FER: variants seen among roughly 807,000 people sequenced by gnomAD.
FER encodes the protein FER tyrosine kinase, also known as tyrosine-protein kinase Fer.
A neutral mutation model predicts 111.0 loss-of-function variants in FER; 63 were observed. The ratio of observed to expected loss-of-function variants is 0.57; its 90% confidence interval spans 0.46 to 0.70. FER has a LOEUF of 0.70. Among genes scored for constraint, FER ranks in the 30% least tolerant of loss-of-function variants. FER has a pLI of 0.00. For synonymous variants in FER, 327 were observed against 313.9 expected (o/e 1.04, Z -0.44); for missense variants, 914 against 954.0 (o/e 0.96, Z 0.55).
chr5:108,892,645 T>G (rs2150313225), intron 9 of FER, among the ~76,000 whole-genome samples: 1 of 152,316 alleles, frequency 6.6e-6, no homozygotes, highest in African/African-American at 2.4e-5. Flanking sequence ...GTAGTTTCTT[T>G]TGCTGTGCAG....
intron 3 of FER, among the ~76,000 whole-genome samples, chr5:108,831,701 T>C (rs2150129819): frequency 6.6e-6 from 1 of 152,360 alleles, no homozygotes; most frequent in East Asian, 1.9e-4. Context: ...CTTTGTATTA[T>C]GACTAAGAAT....
chr5:108,920,353 T>C (rs1031062759), intron 10 of FER, among the ~76,000 whole-genome samples: 3 of 152,150 alleles, frequency 2.0e-5, no homozygotes, highest in African/African-American at 7.2e-5. Flanking sequence ...TCTGGTGTCA[T>C]ACATAAGGTA....
intron 13 of FER, chr5:109,014,797 C>T (rs549541779): frequency 1.2e-4 from 19 of 152,320 alleles, no homozygotes; most frequent in South Asian, 4.1e-4. Context: ...AGGTCCATCA[C>T]GTCCCTTGTA....
At chr5:109,122,276 T>A (rs11958080) in intron 17 of FER, among the ~76,000 whole-genome samples, 1,588 of 152,246 alleles carry the variant, frequency 0.01, 23 homozygotes, top group African/African-American at 0.036. Flanking sequence ...TGTTTCCATA[T>A]CAATTGTAGC....
chr5:108,845,562 CT>C (rs1167220831), intron 5 of FER, among the ~76,000 whole-genome samples: 2 of 151,990 alleles, frequency 1.3e-5, no homozygotes, highest in Non-Finnish European at 2.9e-5. Flanking sequence ...GACAGTTTTA[CT>C]TTTACCTTTT....
At chr5:109,029,425 CTT>C (rs757282669) in intron 13 of FER, among the ~76,000 whole-genome samples, 1,833 of 52,228 alleles carry the variant, frequency 0.035, 24 homozygotes, top group South Asian at 0.095. Context: ...ATTCATTGTT[CTT>C]TTTTTTTTTT....
intron 17 of FER, among the ~76,000 whole-genome samples, chr5:109,152,455 A>G (rs1754950670): frequency 6.6e-6 from 1 of 152,046 alleles, no homozygotes; most frequent in Non-Finnish European, 1.5e-5. Flanking sequence ...TGCCAAGACC[A>G]TAAACCCATT....
intron 17 of FER, among the ~76,000 whole-genome samples, chr5:109,124,599 G>T (rs1224990431): frequency 4.0e-5 from 6 of 148,154 alleles, no homozygotes; most frequent in African/African-American, 1.6e-4. Flanking sequence ...TGTTGTTGTT[G>T]TTGTTGTTGT....
At chr5:109,001,771 G>A (rs1339187456) in intron 13 of FER, among the ~76,000 whole-genome samples, 1 of 152,122 alleles carries the variant, frequency 6.6e-6, no homozygotes, top group African/African-American at 2.4e-5. Flanking sequence ...AAGCTAATAG[G>A]CAACTTCAGC....
chr5:108,798,176 T>G lies in FER; in HGVS notation c.-7T>G. 6.2e-7 allele frequency: 1 copy of G among 1,613,494 alleles called. No individual in the cohort carries two copies. The highest frequency in any genetic ancestry group is 8.5e-7 in the Non-Finnish European group (1 of 1,179,478). On this transcript the variant is annotated 5_prime_UTR_variant, in exon 3 of 20. Coordinates refer to ENST00000281092, the MANE Select transcript of FER (RefSeq NM_005246.4). Reference sequence around the variant, plus strand: ...TGCAGTGTGGAGGATAACCAGTGCCTTACAAAATGGGGTTTGGGAGTGACC... The same window carrying G: ...TGCAGTGTGGAGGATAACCAGTGCCGTACAAAATGGGGTTTGGGAGTGACC...
chr5:108,798,351 A>G lies in FER; in HGVS notation c.169A>G (p.Ser57Gly), dbSNP rs763754217. The G allele has an allele frequency of 1.1e-5, 17 of 1,613,876 alleles. No homozygotes were observed. The South Asian group carries it at 1.9e-4, about 18-fold the overall frequency. ...CCTTTGTAATCAAGTTGATAAGGAAAGTACTGTCCAAATGAATTATGTCAG... is the reference window on the plus strand; with the variant it reads ...CCTTTGTAATCAAGTTGATAAGGAAGGTACTGTCCAAATGAATTATGTCAG... ...QNLCNQVDKE[S>G]TVQMNYVSNV... Residue 57 changes from serine (S) to glycine (G), a missense_variant, in exon 3 of 20, where the codon AGT (serine) becomes GGT (glycine). By Grantham distance (56) the Ser-to-Gly change is moderately conservative. Coordinates refer to ENST00000281092, the MANE Select transcript of FER (RefSeq NM_005246.4).
chr5:108,785,610 G>T, intron 2 of FER: 1 of 414,314 alleles, frequency 2.4e-6, no homozygotes, highest in Non-Finnish European at 4.7e-6. Flanking sequence ...AAAAAAAAGT[G>T]GGGAGTCTCA....
intron 17 of FER, among the ~76,000 whole-genome samples, chr5:109,137,356 G>T (rs1330216500): frequency 1.3e-5 from 2 of 152,146 alleles, no homozygotes; most frequent in African/African-American, 2.4e-5. Context: ...TCTCCCTTAG[G>T]GTTTACTAAA....
rs1443692699 is a variant in FER at position 109,191,113 on chromosome 5, T to TA, written c.*3539dup. ...AGAAGAAAGTGTTTTAGTTACAACA[T>TA]ACGCCACCCACTGAGGACCTTGTAG... On this transcript the variant is annotated 3_prime_UTR_variant, in exon 20 of 20. Coordinates refer to ENST00000281092, the MANE Select transcript of FER (RefSeq NM_005246.4). The TA allele has an allele frequency of 6.6e-6, 1 of 152,176 alleles. No homozygotes were observed. The highest frequency in any genetic ancestry group is 2.4e-5 in the African/African-American group (1 of 41,452). The allele number at this position is 152,176 out of a possible 1,614,324, so 9.4% of individuals were successfully genotyped here.
intron 16 of FER, among the ~76,000 whole-genome samples, chr5:109,076,640 G>A (rs894884953): frequency 6.6e-6 from 1 of 151,990 alleles, no homozygotes; most frequent in African/African-American, 2.4e-5. Context: ...ATTTCGCTTT[G>A]TTGCCCAAGC....
chr5:109,002,457 T>G (rs576194916), intron 13 of FER, among the ~76,000 whole-genome samples: 2 of 151,670 alleles, frequency 1.3e-5, no homozygotes, highest in Non-Finnish European at 2.9e-5. Flanking sequence ...CCTTATACCT[T>G]ATACAAAAAT....
At chr5:108,898,917 A>G (rs1395685017) in intron 10 of FER, among the ~76,000 whole-genome samples, 2 of 152,134 alleles carry the variant, frequency 1.3e-5, no homozygotes, top group East Asian at 3.9e-4. Context: ...TATCCAGGCT[A>G]AAATGTCAAA....
chr5:108,951,747 T>C (rs1278383448), intron 11 of FER, among the ~76,000 whole-genome samples: 1 of 152,152 alleles, frequency 6.6e-6, no homozygotes, highest in Non-Finnish European at 1.5e-5. Flanking sequence ...AAATGGTTTA[T>C]TGTGTAATTA....
chr5:109,087,644 T>G (rs1320322158), intron 16 of FER, among the ~76,000 whole-genome samples: 1 of 7,490 alleles, frequency 1.3e-4, no homozygotes, highest in Non-Finnish European at 4.6e-4. Flanking sequence ...ATTGTAATCC[T>G]CATTGGAAAA....
Sources: gnomAD v4.1 joint callset for allele counts (sites outside exome capture counted in the v4.1 genomes callset) on GRCh38, gnomAD v4.1.1 for gene constraint, MANE v1.5 for transcripts, NCBI Gene and HGNC (gene_info 2026-07-23, HGNC 2026-07-21) for gene names.